Variants in SOX5 observed in about 807,000 individuals in gnomAD.
The protein encoded by SOX5 is transcription factor SOX-5.
A neutral mutation model predicts 92.0 loss-of-function variants in SOX5; 9 were observed. That is an observed-to-expected ratio of 0.10 (90% confidence interval 0.06 to 0.17). SOX5 has a LOEUF of 0.17. Among genes scored for constraint, SOX5 ranks in the 10% least tolerant of loss-of-function variants. The probability of loss-of-function intolerance (pLI) is 1.00; values close to 1 mark genes in which losing one functional copy is unlikely to be tolerated. For missense variants in SOX5, 642 were observed against 944.5 expected (o/e 0.68, Z 4.20); for synonymous variants, 344 against 336.3 (o/e 1.02, Z -0.25).
At chr12:24,240,669 A>G (rs1965393438) in intron 3 of SOX5, among the ~76,000 whole-genome samples, 2 of 152,298 alleles carry the variant, frequency 1.3e-5, no homozygotes, top group East Asian at 1.9e-4. Flanking sequence ...TTTTAATACT[A>G]TCACAAGACT....
intron 2 of SOX5, among the ~76,000 whole-genome samples, chr12:24,278,075 C>T (rs150019428): frequency 1.2e-4 from 19 of 152,230 alleles, no homozygotes; most frequent in African/African-American, 2.9e-4. Flanking sequence ...AACCTGTACA[C>T]GGTAGGAGCC....
At chr12:24,205,795 C>A (rs917588854) in intron 4 of SOX5, among the ~76,000 whole-genome samples, 6 of 152,214 alleles carry the variant, frequency 3.9e-5, no homozygotes, top group Non-Finnish European at 8.8e-5. Flanking sequence ...TCCTCGGATA[C>A]ATGCACACAT....
chr12:23,971,934 G>T (rs893664787), intron 4 of SOX5, among the ~76,000 whole-genome samples: 3 of 152,160 alleles, frequency 2.0e-5, no homozygotes, highest in Admixed American at 2.0e-4. Context: ...AAACACTGAG[G>T]CTCTAAAAGA....
At chr12:24,481,514 C>T (rs776323893) in intron 1 of SOX5, among the ~76,000 whole-genome samples, 2 of 152,066 alleles carry the variant, frequency 1.3e-5, no homozygotes, top group African/African-American at 4.8e-5. Context: ...ATGCTTGTAT[C>T]GAAACATCTC....
At chr12:24,115,224 T>G (rs1331594613) in intron 4 of SOX5, among the ~76,000 whole-genome samples, 1 of 152,188 alleles carries the variant, frequency 6.6e-6, no homozygotes, top group Non-Finnish European at 1.5e-5. Flanking sequence ...AGAGTCTTGC[T>G]GTTCAAAACA....
intron 2 of SOX5, among the ~76,000 whole-genome samples, chr12:23,866,644 C>T (rs907526136): frequency 1.3e-5 from 2 of 152,176 alleles, no homozygotes; most frequent in Admixed American, 1.3e-4. Context: ...ATAGTGAAAT[C>T]CAAAGTTTTT....
At chr12:23,662,685 A>G (rs1169314962) in intron 7 of SOX5, among the ~76,000 whole-genome samples, 1 of 152,146 alleles carries the variant, frequency 6.6e-6, no homozygotes, top group Non-Finnish European at 1.5e-5. Context: ...AGGTTCCTTA[A>G]ACTGTGTTTC....
At chr12:24,300,561 T>C (rs1947832328) in intron 2 of SOX5, among the ~76,000 whole-genome samples, 1 of 152,222 alleles carries the variant, frequency 6.6e-6, no homozygotes, top group South Asian at 2.1e-4. Flanking sequence ...TCCTATAGCA[T>C]TATGGATTTC....
intron 1 of SOX5, among the ~76,000 whole-genome samples, chr12:24,376,311 A>AT (rs1488424573): frequency 3.3e-5 from 5 of 152,314 alleles, no homozygotes; most frequent in African/African-American, 1.2e-4. Flanking sequence ...TGGGTTTACC[A>AT]GTTAGCTGAG....
intron 1 of SOX5, among the ~76,000 whole-genome samples, chr12:23,947,937 T>A (rs1944888163): frequency 6.6e-6 from 1 of 152,050 alleles, no homozygotes; most frequent in South Asian, 2.1e-4. Context: ...AGAGTTGTAT[T>A]TGCAAAAAGT....
At chr12:23,799,383 G>A (rs2095621738) in intron 3 of SOX5, among the ~76,000 whole-genome samples, 1 of 152,052 alleles carries the variant, frequency 6.6e-6, no homozygotes, top group South Asian at 2.1e-4. Context: ...AGTTTCTGAA[G>A]TAAACACTAT....
At chr12:24,312,045 AT>A (rs1168447112) in intron 2 of SOX5, among the ~76,000 whole-genome samples, 3 of 151,994 alleles carry the variant, frequency 2.0e-5, no homozygotes, top group Non-Finnish European at 2.9e-5. Flanking sequence ...TAGTTGAGAA[AT>A]TAAGGCCTTT....
At chr12:23,618,514 A>C (rs1202245315) in intron 8 of SOX5, among the ~76,000 whole-genome samples, 7 of 152,208 alleles carry the variant, frequency 4.6e-5, no homozygotes, top group Non-Finnish European at 8.8e-5. Context: ...GTCAAAAAAC[A>C]TACTTCCAGA....
intron 4 of SOX5, among the ~76,000 whole-genome samples, chr12:24,030,543 T>A (rs1337442047): frequency 6.6e-6 from 1 of 151,686 alleles, no homozygotes; most frequent in Non-Finnish European, 1.5e-5. Context: ...GAAAATCAAC[T>A]CAAAATAGAA....
intron 1 of SOX5, among the ~76,000 whole-genome samples, chr12:24,439,965 T>C (rs1262303368): frequency 6.6e-6 from 1 of 152,200 alleles, no homozygotes; most frequent in Admixed American, 6.5e-5. Context: ...CGCAAGTGCA[T>C]GGTGCCTTGC....
intron 3 of SOX5, among the ~76,000 whole-genome samples, chr12:23,826,503 A>C (rs955981737): frequency 1.3e-5 from 2 of 152,184 alleles, no homozygotes; most frequent in Admixed American, 6.5e-5. Flanking sequence ...ATTTACTTGG[A>C]TATGGATGCT....
chr12:24,070,115 A>T (rs1159570117), intron 4 of SOX5, among the ~76,000 whole-genome samples: 1 of 152,112 alleles, frequency 6.6e-6, no homozygotes. Context: ...TTCTCATACT[A>T]TCTTCAGCAG....
At chr12:23,949,051 T>C (rs1023284206) in intron 1 of SOX5, among the ~76,000 whole-genome samples, 9 of 152,134 alleles carry the variant, frequency 5.9e-5, no homozygotes, top group Admixed American at 1.3e-4. Flanking sequence ...CGCTCTCTTA[T>C]ATCAACAAAA....
chr12:24,509,212 C>T (rs1445685111), intron 1 of SOX5, among the ~76,000 whole-genome samples: 2 of 152,150 alleles, frequency 1.3e-5, no homozygotes, highest in African/African-American at 4.8e-5. Context: ...AGGTTACATT[C>T]AATTCTAAAA....
Sources: allele counts gnomAD v4.1 joint callset (sites outside exome capture counted in the v4.1 genomes callset), GRCh38; gene constraint gnomAD v4.1.1; transcripts MANE v1.5; gene names NCBI Gene and HGNC (gene_info 2026-07-23, HGNC 2026-07-21).